Variants in EBF1 observed in about 807,000 individuals in gnomAD.
The protein encoded by EBF1 is transcription factor COE1.
Under a neutral mutation model 68.4 loss-of-function variants are expected in EBF1, and 10 were observed. The ratio of observed to expected loss-of-function variants is 0.15; its 90% CI spans 0.09 to 0.25. EBF1 has a LOEUF of 0.25. Among genes scored for constraint, EBF1 ranks in the 10% least tolerant of loss-of-function variants. The probability of loss-of-function intolerance (pLI) is 1.00; values close to 1 mark genes in which losing one functional copy is unlikely to be tolerated. For synonymous variants in EBF1, 298 were observed against 299.8 expected, an observed-to-expected ratio of 0.99 and a Z score of 0.06; for missense variants, 509 against 794.4, an observed-to-expected ratio of 0.64 and a Z score of 4.32.
chr5:158,712,411 G>T, intron 13 of EBF1, 78 bp from the exon 14 acceptor site: 1 of 1,535,644 alleles, frequency 6.5e-7, no homozygotes, highest in Non-Finnish European at 8.9e-7. Flanking sequence ...GGAAAGGAAG[G>T]TCTCTGTTTC....
At chr5:159,022,860 A>G (rs760223997) in intron 6 of EBF1, among the ~76,000 whole-genome samples, 1 of 152,194 alleles carries the variant, frequency 6.6e-6, no homozygotes, top group Non-Finnish European at 1.5e-5. Flanking sequence ...AGAGCCTTCA[A>G]TGCAAGAAAA....
chr5:158,890,293 A>T (rs551884200), intron 6 of EBF1, among the ~76,000 whole-genome samples: 1 of 152,224 alleles, frequency 6.6e-6, no homozygotes. Context: ...CCTTTATTCA[A>T]TGTGGTAATT....
At chr5:158,711,315 A>G (rs1759218930) in intron 14 of EBF1, among the ~76,000 whole-genome samples, 1 of 152,162 alleles carries the variant, frequency 6.6e-6, no homozygotes, top group Non-Finnish European at 1.5e-5. Context: ...ATAATTATGA[A>G]GGGAGAGAAG....
chr5:158,696,889 ATTTC>A lies in EBF1; in HGVS notation c.*2218_*2221del, dbSNP rs1246422342. 4.8e-4 allele frequency: 93 copies of A among 195,394 alleles called. No individual in the cohort carries two copies. Among genetic ancestry groups the A allele is most frequent in the African/African-American group, 1.9e-3 (79 of 42,586 alleles). 12.1% of individuals were successfully genotyped at this position (195,394 alleles called of 1,614,324 possible). ...CAAAACAGTTCTTTTGTGCTTTTCG[ATTTC>A]TTTGTTTTTTTTTTTTTCTTTTTTT... is the stretch of plus-strand genomic sequence containing the variant. On this transcript the variant is annotated 3_prime_UTR_variant, in exon 16 of 16. Coordinates refer to ENST00000313708, the MANE Select transcript of EBF1 (RefSeq NM_024007.5).
At chr5:158,867,724 G>C (rs1337527682) in intron 6 of EBF1, among the ~76,000 whole-genome samples, 1 of 152,166 alleles carries the variant, frequency 6.6e-6, no homozygotes, top group Non-Finnish European at 1.5e-5. Context: ...CATATGGTTA[G>C]ATATTTTATT....
At chr5:159,095,701 G>A (rs1041339986) in intron 3 of EBF1, 26 bp from the exon 4 acceptor site, 3 of 1,613,290 alleles carry the variant, frequency 1.9e-6, no homozygotes, top group South Asian at 1.1e-5. Context: ...GGGGAAGGGA[G>A]GAGAATTAAG....
intron 6 of EBF1, among the ~76,000 whole-genome samples, chr5:158,935,858 G>T (rs1217556094): frequency 6.6e-6 from 1 of 152,180 alleles, no homozygotes; most frequent in Non-Finnish European, 1.5e-5. Context: ...CCAAAAATCT[G>T]CCAAGAACCC....
At chr5:159,059,344 T>A (rs1584331075) in intron 6 of EBF1, among the ~76,000 whole-genome samples, 1 of 151,992 alleles carries the variant, frequency 6.6e-6, no homozygotes, top group East Asian at 1.9e-4. Flanking sequence ...TTTAAGCCAC[T>A]GTCTATCAAC....
chr5:158,936,091 T>C (rs1811958085), intron 6 of EBF1, among the ~76,000 whole-genome samples: 1 of 152,242 alleles, frequency 6.6e-6, no homozygotes, highest in African/African-American at 2.4e-5. Flanking sequence ...AATAAATATA[T>C]GTGCATGTTC....
In EBF1 at chr5:159,067,881, A is replaced by G. The variant is rs180883087; in HGVS notation, c.554+5515T>C. Among the ~76,000 whole-genome samples, 875 of 152,246 alleles carry G rather than the reference A, an allele frequency of 5.7e-3. 11 individuals carry two copies. The highest frequency in any genetic ancestry group is 0.02 in the African/African-American group (829 of 41,532). On this transcript the variant is annotated intron_variant, in intron 6 of 15. Transcript: ENST00000313708. ...ATGCAAACCTCTCAAACCAACCAAA[A>G]ACACAATAATTATCCTGCCTAGGGC...
Position 158,944,115 on chromosome 5 carries a change from A to C in EBF1, c.555-104005T>G, listed in dbSNP as rs60135739. 1.4e-3 allele frequency among the ~76,000 whole-genome samples: 215 copies of C among 152,274 alleles called. 1 individual carries two copies. The highest frequency in any genetic ancestry group is 5.0e-3 in the African/African-American group (206 of 41,562). On this transcript the variant is annotated intron_variant, in intron 6 of 15. Transcript: ENST00000313708. The stretch of plus-strand genomic sequence containing the variant: ...ACTTTAAGTTCTGGGATACATGTGC[A>C]GAACATGCAGGTTTGTTACATAGGT...
intron 6 of EBF1, among the ~76,000 whole-genome samples, chr5:158,957,481 T>C (rs563874640): frequency 4.0e-4 from 61 of 152,342 alleles, no homozygotes; most frequent in Non-Finnish European, 7.2e-4. Context: ...TGTAGCTAAA[T>C]GTAGAAAACA....
chr5:159,097,322 C>T (rs1486822442), intron 1 of EBF1, among the ~76,000 whole-genome samples, 192 bp from the exon 2 acceptor site: 2 of 152,240 alleles, frequency 1.3e-5, no homozygotes, highest in African/African-American at 2.4e-5. Flanking sequence ...CTCATGTCCT[C>T]GTCCTCTCCG....
At chr5:158,992,221 A>AG (rs1012766805) in intron 6 of EBF1, among the ~76,000 whole-genome samples, 2 of 134,198 alleles carry the variant, frequency 1.5e-5, no homozygotes, top group South Asian at 2.3e-4. Context: ...AATCCTTGTA[A>AG]GGGAAAAAAA....
intron 7 of EBF1, among the ~76,000 whole-genome samples, chr5:158,838,445 C>CAAAAA: frequency 9.0e-6 from 1 of 110,516 alleles, no homozygotes; most frequent in African/African-American, 3.7e-5. Context: ...GACTCCATCT[C>CAAAAA]AAAAAAAAAA....
rs1285667499 is a variant in EBF1 at position 158,704,628 on chromosome 5, TC to T, written c.1744+3350del. Reference sequence around the variant, plus strand: ...CCATAACCTGCCTTCATCCTTTTTTTCTTTTTTTTTTTTATGGTAGAAATAG... The same window carrying T: ...CCATAACCTGCCTTCATCCTTTTTTTTTTTTTTTTTTTATGGTAGAAATAG... On this transcript the variant is annotated intron_variant, in intron 15 of 15. Coordinates refer to ENST00000313708, the MANE Select transcript of EBF1 (RefSeq NM_024007.5). Among the ~76,000 whole-genome samples the T allele has an allele frequency of 1.0e-2, 1,517 of 151,840 alleles. 28 individuals are homozygous for T. The highest frequency in any genetic ancestry group is 0.035 in the African/African-American group (1,432 of 41,238).
chr5:158,760,590 C>T (rs574581455), intron 10 of EBF1, among the ~76,000 whole-genome samples: 3 of 152,136 alleles, frequency 2.0e-5, no homozygotes, highest in South Asian at 2.1e-4. Context: ...CTCTCCCAGC[C>T]GCAACTATTC....
chr5:158,975,906 G>C (rs1314919089), intron 6 of EBF1, among the ~76,000 whole-genome samples: 2 of 152,238 alleles, frequency 1.3e-5, no homozygotes, highest in Admixed American at 6.5e-5. Flanking sequence ...TCTCATTGGA[G>C]ATCTGGGATG....
At chr5:158,724,653 C>A (rs1323411978) in intron 11 of EBF1, among the ~76,000 whole-genome samples, 1 of 152,144 alleles carries the variant, frequency 6.6e-6, no homozygotes, top group Non-Finnish European at 1.5e-5. Context: ...GATTTTAGGT[C>A]TCGTCTCTCC....
Sources: allele counts gnomAD v4.1 joint callset (sites outside exome capture counted in the v4.1 genomes callset), GRCh38; gene constraint gnomAD v4.1.1; transcripts MANE v1.5; gene names NCBI Gene and HGNC (gene_info 2026-07-23, HGNC 2026-07-21).